The following LSAMP variants were observed in gnomAD, a reference collection of about 807,000 sequenced individuals.
The protein encoded by LSAMP is limbic system-associated membrane protein.
Under a neutral mutation model 38.6 loss-of-function variants are expected in LSAMP, and 7 were observed. The ratio of observed to expected loss-of-function variants is 0.18; its 90% CI spans 0.10 to 0.34. LSAMP has a LOEUF of 0.34. Ranked by LOEUF, LSAMP falls within the 10% of genes least tolerant of loss-of-function variation. The probability of loss-of-function intolerance (pLI) is 1.00; values close to 1 mark genes in which losing one functional copy is unlikely to be tolerated. For synonymous variants in LSAMP, 154 were observed against 166.8 expected (o/e 0.92, Z 0.59); for missense variants, 313 against 420.0 (o/e 0.75, Z 2.23).
At chr3:115,835,086 A>C (rs1230848497) in intron 6 of LSAMP, among the ~76,000 whole-genome samples, 3 of 152,208 alleles carry the variant, frequency 2.0e-5, no homozygotes, top group Non-Finnish European at 2.9e-5. Context: ...TACTGTGGAC[A>C]ATACTAGCTC....
intron 1 of LSAMP, among the ~76,000 whole-genome samples, chr3:116,089,931 A>T (rs1405748752): frequency 6.6e-6 from 1 of 152,150 alleles, no homozygotes; most frequent in Admixed American, 6.5e-5. Context: ...CAATGTGACT[A>T]AAACTTTCTT....
intron 3 of LSAMP, among the ~76,000 whole-genome samples, chr3:116,008,084 A>G (rs994740256): frequency 1.5e-4 from 23 of 152,206 alleles, no homozygotes; most frequent in South Asian, 2.1e-4. Flanking sequence ...TCTAACCAAA[A>G]TGATTGTAAT....
At chr3:115,911,235 A>C (rs1263377033) in intron 3 of LSAMP, among the ~76,000 whole-genome samples, 1 of 152,168 alleles carries the variant, frequency 6.6e-6, no homozygotes, top group Non-Finnish European at 1.5e-5. Flanking sequence ...GTTTCTTCTT[A>C]TTGCTATGTA....
intron 1 of LSAMP, among the ~76,000 whole-genome samples, chr3:116,356,765 A>T (rs1331876914): frequency 1.3e-5 from 2 of 152,126 alleles, no homozygotes. Flanking sequence ...CTCACTTAAA[A>T]TTATTTTTCT....
chr3:116,148,576 C>T (rs899093158), intron 1 of LSAMP, among the ~76,000 whole-genome samples: 3 of 151,876 alleles, frequency 2.0e-5, no homozygotes, highest in Non-Finnish European at 2.9e-5. Flanking sequence ...ATATTGAACC[C>T]GTAATAAGTT....
chr3:116,092,653 C>T (rs547156895), intron 1 of LSAMP, among the ~76,000 whole-genome samples: 1 of 152,180 alleles, frequency 6.6e-6, no homozygotes. Flanking sequence ...TCTTCAAACA[C>T]TTTACATCAA....
At chr3:116,276,130 T>C (rs1215484295) in intron 1 of LSAMP, among the ~76,000 whole-genome samples, 6 of 152,192 alleles carry the variant, frequency 3.9e-5, no homozygotes, top group Non-Finnish European at 2.9e-5. Context: ...TATATTCTAA[T>C]TGGTTTATAC....
At chr3:116,211,438 C>T (rs1191203223) in intron 1 of LSAMP, among the ~76,000 whole-genome samples, 1 of 152,114 alleles carries the variant, frequency 6.6e-6, no homozygotes, top group Non-Finnish European at 1.5e-5. Context: ...TTCAAAGCAT[C>T]ATGTTGTTCA....
chr3:115,853,052 G>A (rs1158091692), intron 3 of LSAMP, among the ~76,000 whole-genome samples: 1 of 152,200 alleles, frequency 6.6e-6, no homozygotes, highest in African/African-American at 2.4e-5. Flanking sequence ...GTGGGAGCTG[G>A]CGGGAGGTAC....
chr3:116,174,433 ATAT>A lies in LSAMP; in HGVS notation c.156-87880_156-87878del, dbSNP rs3071089. Among the ~76,000 whole-genome samples, 4,133 of 152,010 alleles carry A rather than the reference ATAT, an allele frequency of 0.027. 278 individuals are homozygous for A. The East Asian group carries it at 0.29, about 10-fold the overall frequency. On this transcript the variant is annotated intron_variant, in intron 1 of 6. Transcript: ENST00000490035. Reference sequence around the variant, plus strand: ...ATTCTCTCTTGAAATCTCGAAACAGATATTATAAAAATAGCAATCATAATAGCT... The same window carrying A: ...ATTCTCTCTTGAAATCTCGAAACAGATATAAAAATAGCAATCATAATAGCT...
chr3:116,261,346 T>C (rs571402102), intron 1 of LSAMP, among the ~76,000 whole-genome samples: 1 of 152,178 alleles, frequency 6.6e-6, no homozygotes, highest in African/African-American at 2.4e-5. Context: ...CCTTACCTTA[T>C]AAATAGGAGC....
At chr3:116,264,350 A>G (rs1010087639) in intron 1 of LSAMP, among the ~76,000 whole-genome samples, 9 of 152,122 alleles carry the variant, frequency 5.9e-5, no homozygotes, top group African/African-American at 2.2e-4. Flanking sequence ...TTGACTGCCA[A>G]ACTTAGGCAA....
chr3:116,230,370 C>T (rs1370750939), intron 1 of LSAMP, among the ~76,000 whole-genome samples: 2 of 152,000 alleles, frequency 1.3e-5, no homozygotes, highest in Non-Finnish European at 2.9e-5. Flanking sequence ...ATTAGTACAG[C>T]AAAAAGTGAA....
chr3:115,972,789 T>C (rs1939059311), intron 3 of LSAMP, among the ~76,000 whole-genome samples: 1 of 150,816 alleles, frequency 6.6e-6, no homozygotes, highest in Non-Finnish European at 1.5e-5. Context: ...TAGAAAATAA[T>C]AGATATGTGA....
At chr3:116,094,566 C>T (rs532225255) in intron 1 of LSAMP, among the ~76,000 whole-genome samples, 2 of 152,308 alleles carry the variant, frequency 1.3e-5, no homozygotes, top group South Asian at 2.1e-4. Flanking sequence ...CAAATGGCTA[C>T]ATGCACACAC....
chr3:116,113,420 A>ATTTTT lies in LSAMP; in HGVS notation c.156-26869_156-26865dup, dbSNP rs374608044. On this transcript the variant is annotated intron_variant, in intron 1 of 6. Coordinates refer to ENST00000490035, the MANE Select transcript of LSAMP (RefSeq NM_002338.5). The stretch of plus-strand genomic sequence containing the variant: ...TTGCCCTATATATATATATATATAT[A>ATTTTT]TTTTTTTTTTTTTTTTTTTTTTTGA... Among the ~76,000 whole-genome samples the ATTTTT allele has an allele frequency of 4.8e-3, 247 of 51,006 alleles. 4 individuals carry two copies. The highest frequency in any genetic ancestry group is 0.018 in the East Asian group (30 of 1,676). 33.5% of individuals were successfully genotyped at this position (51,006 alleles called of 152,430 possible).
At chr3:116,437,790 C>T (rs903682467) in intron 1 of LSAMP, among the ~76,000 whole-genome samples, 1 of 152,130 alleles carries the variant, frequency 6.6e-6, no homozygotes, top group African/African-American at 2.4e-5. Flanking sequence ...AAAAGGTAAT[C>T]TCAGTGGTAC....
chr3:116,287,574 G>A (rs2047210412), intron 1 of LSAMP, among the ~76,000 whole-genome samples: 1 of 152,046 alleles, frequency 6.6e-6, no homozygotes, highest in Non-Finnish European at 1.5e-5. Flanking sequence ...AAGGTAAAGA[G>A]TAAAATATTA....
At chr3:116,356,588 T>C (rs1253497121) in intron 1 of LSAMP, among the ~76,000 whole-genome samples, 1 of 152,210 alleles carries the variant, frequency 6.6e-6, no homozygotes, top group African/African-American at 2.4e-5. Flanking sequence ...GAGAGTACAA[T>C]TGGAATGTTT....
Sources: gnomAD v4.1 joint callset for allele counts (sites outside exome capture counted in the v4.1 genomes callset) on GRCh38, gnomAD v4.1.1 for gene constraint, MANE v1.5 for transcripts, NCBI Gene and HGNC (gene_info 2026-07-23, HGNC 2026-07-21) for gene names.